The following CHIC2 variants were observed in gnomAD, a reference collection of about 807,000 sequenced individuals.
The protein encoded by CHIC2 is cysteine-rich hydrophobic domain-containing protein 2.
Under a neutral mutation model 25.9 loss-of-function variants are expected in CHIC2, and 14 were observed. The observed-to-expected ratio is 0.54, with a 90% CI of 0.36 to 0.85. CHIC2 has a LOEUF of 0.85. CHIC2 is among the 40% of genes least tolerant of loss of function. CHIC2 has a pLI of 0.01. For missense variants in CHIC2, 146 were observed against 202.0 expected (o/e 0.72, Z 1.68); for synonymous variants, 70 against 72.0 (o/e 0.97, Z 0.14).
chr4:54,063,971 G>A (rs1231118586), intron 1 of CHIC2, among the ~76,000 whole-genome samples: 2 of 152,260 alleles, frequency 1.3e-5, no homozygotes, highest in Non-Finnish European at 2.9e-5. Flanking sequence ...TGTAGGGCCT[G>A]CTAAAGGGGT....
At chr4:54,067,919 T>TG (rs1553888149), upstream of CHIC2, among the ~76,000 whole-genome samples, 2 of 144,796 alleles carry the variant, frequency 1.4e-5, no homozygotes, top group Admixed American at 6.9e-5. Flanking sequence ...CTGAATTTTG[T>TG]CCCCCCCCCC....
chr4:54,087,707 T>G, the CHIC2 span: 3 of 534,592 alleles, frequency 5.6e-6, no homozygotes, highest in Non-Finnish European at 1.0e-5. Flanking sequence ...CTAAAATATC[T>G]GGCAAAGAAT....
chr4:54,025,391 C>A (rs1206450564), intron 3 of CHIC2, among the ~76,000 whole-genome samples: 1 of 152,166 alleles, frequency 6.6e-6, no homozygotes, highest in African/African-American at 2.4e-5. Flanking sequence ...CCTAACTCCA[C>A]TGCCTATCCC....
At chr4:54,080,137 T>A in the CHIC2 span, among the ~76,000 whole-genome samples, 8 of 148,442 alleles carry the variant, frequency 5.4e-5, no homozygotes, top group African/African-American at 2.0e-4. Flanking sequence ...CATATATATA[T>A]GTGTATATAT....
At chr4:54,045,789 G>C (rs1237995910) in intron 3 of CHIC2, among the ~76,000 whole-genome samples, 1 of 150,112 alleles carries the variant, frequency 6.7e-6, no homozygotes, top group African/African-American at 2.5e-5. Context: ...AGTGTTGGAA[G>C]TTCTGGCCAG....
At chr4:54,025,856 A>AC (rs1413359406) in intron 3 of CHIC2, among the ~76,000 whole-genome samples, 1 of 146,020 alleles carries the variant, frequency 6.8e-6, no homozygotes, top group Non-Finnish European at 1.5e-5. Flanking sequence ...CCCTGTCTCA[A>AC]AAAAAAAAAA....
At chr4:54,090,272 C>T in the CHIC2 span, among the ~76,000 whole-genome samples, 4 of 152,204 alleles carry the variant, frequency 2.6e-5, no homozygotes, top group East Asian at 7.7e-4. Context: ...CTGCAACCTC[C>T]ACCTCTCAGG....
At chr4:54,072,839 A>G in the CHIC2 span, among the ~76,000 whole-genome samples, 4 of 152,156 alleles carry the variant, frequency 2.6e-5, no homozygotes, top group Non-Finnish European at 2.9e-5. Context: ...TTGGGAGGCC[A>G]AGGCGGATGG....
chr4:54,090,437 G>A, the CHIC2 span, among the ~76,000 whole-genome samples: 1,789 of 152,108 alleles, frequency 0.012, 31 homozygotes, highest in African/African-American at 0.041. Context: ...TGCCTGCCTC[G>A]GCCTGCCAAA....
intron 3 of CHIC2, among the ~76,000 whole-genome samples, chr4:54,019,489 T>TA (rs1272181633): frequency 6.6e-6 from 1 of 152,190 alleles, no homozygotes; most frequent in Non-Finnish European, 1.5e-5. Flanking sequence ...AGTGTCTTAA[T>TA]AGGTGCTAAT....
chr4:54,029,267 GT>G (rs1716151875), intron 3 of CHIC2, among the ~76,000 whole-genome samples: 1 of 151,884 alleles, frequency 6.6e-6, no homozygotes, highest in East Asian at 1.9e-4. Context: ...ATTTCTCTAT[GT>G]TCTATTTTAT....
At chr4:54,023,812 C>T (rs747264513) in intron 3 of CHIC2, among the ~76,000 whole-genome samples, 11 of 152,170 alleles carry the variant, frequency 7.2e-5, no homozygotes, top group East Asian at 1.9e-4. Flanking sequence ...TATACTGACT[C>T]GAAATATGCC....
chr4:54,041,195 A>C (rs1283391607), intron 3 of CHIC2, among the ~76,000 whole-genome samples: 1 of 151,720 alleles, frequency 6.6e-6, no homozygotes, highest in Admixed American at 6.6e-5. Flanking sequence ...CAGTTTTCCA[A>C]ATCAGTGAAT....
chr4:54,020,083 A>G (rs563654185), intron 3 of CHIC2, among the ~76,000 whole-genome samples: 142 of 152,344 alleles, frequency 9.3e-4, no homozygotes, highest in South Asian at 1.4e-3. Context: ...GCTTACTGTC[A>G]GGCCTCTGAG....
At chr4:54,059,692 A>G (rs1717274911) in intron 1 of CHIC2, 1 of 152,224 alleles carries the variant, frequency 6.6e-6, no homozygotes, top group African/African-American at 2.4e-5. Flanking sequence ...ATTCTATTAT[A>G]GAACATTGTT....
intron 3 of CHIC2, among the ~76,000 whole-genome samples, chr4:54,032,037 A>G (rs1477506950): frequency 6.6e-6 from 1 of 152,112 alleles, no homozygotes; most frequent in African/African-American, 2.4e-5. Flanking sequence ...TAGCCACCAC[A>G]TGTTACAGGC....
chr4:54,033,722 A>T lies in CHIC2; in HGVS notation c.330+15233T>A, dbSNP rs186488630. On this transcript the variant is annotated intron_variant, in intron 3 of 5. Coordinates refer to ENST00000263921, the MANE Select transcript of CHIC2 (RefSeq NM_012110.4). Reference sequence around the variant, plus strand: ...AATGTACAGATTGAAGGATTTTAAAAATATATATAGGCATTTAATTTTACC... The same window carrying T: ...AATGTACAGATTGAAGGATTTTAAATATATATATAGGCATTTAATTTTACC... Among the ~76,000 whole-genome samples, 219 of 152,292 alleles carry T rather than the reference A, an allele frequency of 1.4e-3. 1 individual carries two copies. Among genetic ancestry groups the T allele is most frequent in the African/African-American group, 4.8e-3 (200 of 41,556 alleles).
chr4:54,024,228 C>A (rs915331832), intron 3 of CHIC2, among the ~76,000 whole-genome samples: 6 of 152,154 alleles, frequency 3.9e-5, no homozygotes, highest in African/African-American at 1.4e-4. Flanking sequence ...CATTTCATAA[C>A]CTCTTCCATG....
chr4:54,048,859 A>G (rs1318769108), intron 3 of CHIC2, 96 bp downstream of exon 3: 3 of 979,554 alleles, frequency 3.1e-6, no homozygotes, highest in Non-Finnish European at 2.9e-6. Flanking sequence ...TATTCAGGAT[A>G]GTGTGATTCA....
Sources: allele counts gnomAD v4.1 joint callset (sites outside exome capture counted in the v4.1 genomes callset), GRCh38; gene constraint gnomAD v4.1.1; transcripts MANE v1.5; gene names NCBI Gene and HGNC (gene_info 2026-07-23, HGNC 2026-07-21).